The following SRGAP3 variants were observed in gnomAD, a reference collection of about 807,000 sequenced individuals.
The protein encoded by SRGAP3 is SLIT-ROBO Rho GTPase-activating protein 3.
A neutral mutation model predicts 121.1 loss-of-function variants in SRGAP3; 39 were observed. The observed-to-expected ratio is 0.32, with a 90% CI of 0.25 to 0.42. The LOEUF (loss-of-function observed/expected upper bound fraction) is 0.42, where lower values mean the gene tolerates loss of function less well. SRGAP3 is among the 10% of genes least tolerant of loss of function. The pLI, the probability that SRGAP3 is intolerant of heterozygous loss-of-function variation, is 1.00. For missense variants in SRGAP3, 1,213 were observed against 1,470.6 expected, an observed-to-expected ratio of 0.82 and a Z score of 2.86; for synonymous variants, 601 against 570.0, an observed-to-expected ratio of 1.05 and a Z score of -0.77.
intron 1 of SRGAP3, among the ~76,000 whole-genome samples, chr3:9,194,639 G>C (rs1160779227): frequency 6.6e-6 from 1 of 152,110 alleles, no homozygotes; most frequent in Non-Finnish European, 1.5e-5. Context: ...TATTTTCATG[G>C]GTGAGAAAAC....
chr3:9,232,186 T>C (rs1047936207), intron 1 of SRGAP3, among the ~76,000 whole-genome samples: 1 of 152,356 alleles, frequency 6.6e-6, no homozygotes, highest in South Asian at 2.1e-4. Flanking sequence ...ATAATTTAAA[T>C]AGCTCTTGCA....
At chr3:9,337,667 A>T (rs1280853343) in intron 1 of SRGAP3, 1 of 152,368 alleles carries the variant, frequency 6.6e-6, no homozygotes, top group Admixed American at 6.5e-5. Flanking sequence ...TGGACTTTCC[A>T]GCCTCAAGAA....
intron 1 of SRGAP3, among the ~76,000 whole-genome samples, chr3:9,148,469 G>T (rs1019000122): frequency 1.3e-5 from 2 of 152,240 alleles, no homozygotes; most frequent in Admixed American, 6.5e-5. Context: ...CATCTGGGGA[G>T]ACAGAGGAAG....
At chr3:9,108,059 G>A (rs1271019137) in intron 2 of SRGAP3, among the ~76,000 whole-genome samples, 1 of 152,188 alleles carries the variant, frequency 6.6e-6, no homozygotes, top group Non-Finnish European at 1.5e-5. Flanking sequence ...GAGTGTGTTA[G>A]TGGAGGACTG....
At chr3:9,107,447 TTCCCAC>T (rs1268735106) in intron 2 of SRGAP3, among the ~76,000 whole-genome samples, 1 of 152,244 alleles carries the variant, frequency 6.6e-6, no homozygotes, top group African/African-American at 2.4e-5. Context: ...GCCTCTTCTA[TTCCCAC>T]TGGGGCCTGG....
chr3:9,134,070 G>C (rs1212846593), intron 1 of SRGAP3, among the ~76,000 whole-genome samples: 2 of 152,224 alleles, frequency 1.3e-5, no homozygotes, highest in African/African-American at 4.8e-5. Flanking sequence ...TAACAGGTCT[G>C]ACCCATTAGG....
At chr3:9,206,827 A>G (rs961399078) in intron 1 of SRGAP3, among the ~76,000 whole-genome samples, 4 of 152,082 alleles carry the variant, frequency 2.6e-5, no homozygotes, top group African/African-American at 7.2e-5. Flanking sequence ...CATCGCACCT[A>G]TCAGTGCTTA....
At chr3:9,043,176 C>CA (rs972814254) in intron 10 of SRGAP3, among the ~76,000 whole-genome samples, 117 of 152,250 alleles carry the variant, frequency 7.7e-4, no homozygotes, top group African/African-American at 2.8e-3. Flanking sequence ...TTTTAAGAGA[C>CA]AGAGACTTGC....
At chr3:9,237,698 C>G (rs1204183664) in intron 1 of SRGAP3, among the ~76,000 whole-genome samples, 1 of 152,196 alleles carries the variant, frequency 6.6e-6, no homozygotes, top group Non-Finnish European at 1.5e-5. Flanking sequence ...GAAACCAGTA[C>G]AGGCCAGCAT....
intron 2 of SRGAP3, among the ~76,000 whole-genome samples, chr3:9,111,807 G>A (rs1346197017): frequency 6.6e-6 from 1 of 152,142 alleles, no homozygotes; most frequent in Non-Finnish European, 1.5e-5. Context: ...CAGTGCCCTC[G>A]GCCAAGGCAC....
chr3:9,114,246 C>T (rs1229348606), intron 2 of SRGAP3, among the ~76,000 whole-genome samples: 3 of 152,152 alleles, frequency 2.0e-5, no homozygotes, highest in Non-Finnish European at 2.9e-5. Context: ...CATAGTGGTG[C>T]CTGGAGGACT....
intron 1 of SRGAP3, among the ~76,000 whole-genome samples, chr3:9,359,204 T>G (rs2030669737): frequency 1.3e-5 from 2 of 152,200 alleles, no homozygotes; most frequent in Non-Finnish European, 2.9e-5. Flanking sequence ...AGTCATGATC[T>G]TATAAAAGGG....
At chr3:9,249,723 CT>C (rs1193177064), upstream of SRGAP3, 1 of 227,752 alleles carries the variant, frequency 4.4e-6, no homozygotes, top group Non-Finnish European at 8.7e-6. Context: ...TTTATAACAA[CT>C]GACACATTGT....
intron 3 of SRGAP3, among the ~76,000 whole-genome samples, chr3:9,284,861 A>G (rs1475552565): frequency 1.3e-5 from 2 of 149,002 alleles, no homozygotes; most frequent in African/African-American, 4.9e-5. Context: ...AATGGGTCTG[A>G]TCTTGAGGAC....
intron 1 of SRGAP3, among the ~76,000 whole-genome samples, chr3:9,362,647 T>G (rs2030957514): frequency 6.6e-6 from 1 of 151,980 alleles, no homozygotes; most frequent in Non-Finnish European, 1.5e-5. Context: ...AAATATGAAG[T>G]AAACAGTGCT....
intron 1 of SRGAP3, among the ~76,000 whole-genome samples, chr3:9,186,074 C>G (rs951719083): frequency 3.3e-5 from 5 of 152,204 alleles, no homozygotes; most frequent in African/African-American, 1.2e-4. Context: ...TTCAAACCCA[C>G]AAACTGTTAT....
chr3:9,036,298 G>C (rs1474040874), intron 11 of SRGAP3: 1 of 152,194 alleles, frequency 6.6e-6, no homozygotes, highest in Admixed American at 6.5e-5. Context: ...AGAGCCATAG[G>C]ACAGAGACAT....
intron 1 of SRGAP3, among the ~76,000 whole-genome samples, chr3:9,341,339 C>G (rs976075622): frequency 6.6e-5 from 10 of 152,172 alleles, no homozygotes; most frequent in Non-Finnish European, 1.2e-4. Context: ...TTCTTCCCTA[C>G]CCTCCACACT....
At chr3:9,102,636 T>G (rs1162813760) in intron 3 of SRGAP3, among the ~76,000 whole-genome samples, 6 of 152,220 alleles carry the variant, frequency 3.9e-5, no homozygotes, top group Non-Finnish European at 1.5e-5. Context: ...CCAGGCTCCG[T>G]CCGCGCCTCT....
Sources: gnomAD v4.1 joint callset for allele counts (sites outside exome capture counted in the v4.1 genomes callset) on GRCh38, gnomAD v4.1.1 for gene constraint, MANE v1.5 for transcripts, NCBI Gene and HGNC (gene_info 2026-07-23, HGNC 2026-07-21) for gene names.